NOL4L: variants seen among roughly 807,000 people sequenced by gnomAD.
NOL4L encodes nucleolar protein 4 like.
In NOL4L, 7 loss-of-function variants were observed where a neutral mutation model predicts 64.5. The observed-to-expected ratio is 0.11, with a 90% confidence interval of 0.06 to 0.20. The LOEUF (loss-of-function observed/expected upper bound fraction) is 0.20. Ranked by LOEUF, NOL4L falls within the 10% of genes least tolerant of loss-of-function variation. The pLI is 1.00. For missense variants in NOL4L, 680 were observed against 967.1 expected (o/e 0.70, Z 3.94); for synonymous variants, 413 against 401.0 (o/e 1.03, Z -0.36).
chr20:32,512,032 C>A (rs1012644909), intron 3 of NOL4L, among the ~76,000 whole-genome samples: 13 of 151,876 alleles, frequency 8.6e-5, no homozygotes, highest in Non-Finnish European at 5.9e-5. Context: ...AACAAAAAAA[C>A]CCAGCAAACC....
intron 1 of NOL4L, chr20:32,536,485 G>A (rs2018529066): frequency 5.9e-6 from 1 of 170,622 alleles, no homozygotes; most frequent in African/African-American, 2.4e-5. Context: ...TCGGGCGGGG[G>A]GCAGGGGCGG....
chr20:32,482,578 TGC>T (rs910341974), intron 4 of NOL4L, among the ~76,000 whole-genome samples: 32 of 151,744 alleles, frequency 2.1e-4, no homozygotes, highest in Non-Finnish European at 4.1e-4. Flanking sequence ...ACTTAACCCC[TGC>T]GCGCGCCCTC....
At chr20:32,505,187 C>G (rs1182798988) in intron 4 of NOL4L, among the ~76,000 whole-genome samples, 4 of 152,176 alleles carry the variant, frequency 2.6e-5, no homozygotes, top group Non-Finnish European at 5.9e-5. Flanking sequence ...CACAGTAACC[C>G]ATTAACACTC....
At chr20:32,547,867 G>A (rs2018752043) in intron 1 of NOL4L, among the ~76,000 whole-genome samples, 1 of 152,102 alleles carries the variant, frequency 6.6e-6, no homozygotes, top group Non-Finnish European at 1.5e-5. Flanking sequence ...CTCCTCCCAT[G>A]AGCTCTGGGG....
intron 5 of NOL4L, among the ~76,000 whole-genome samples, chr20:32,473,559 C>CCAGG (rs1202613359): frequency 4.6e-5 from 7 of 152,210 alleles, no homozygotes; most frequent in Admixed American, 2.6e-4. Context: ...CAGCTGCCTC[C>CCAGG]AGACTGGGTC....
At chr20:32,530,826 C>T (rs571505423) in intron 1 of NOL4L, among the ~76,000 whole-genome samples, 31 of 151,958 alleles carry the variant, frequency 2.0e-4, no homozygotes, top group African/African-American at 4.8e-4. Context: ...GAGGCTGAGG[C>T]AGGAGAATCA....
intron 1 of NOL4L, among the ~76,000 whole-genome samples, chr20:32,531,836 A>G (rs1343532682): frequency 6.6e-6 from 1 of 152,120 alleles, no homozygotes; most frequent in East Asian, 1.9e-4. Context: ...ATCTCCTCTT[A>G]TCTCTGGTCC....
Position 32,460,208 on chromosome 20 carries a change from A to T in NOL4L, c.842-3813T>A, listed in dbSNP as rs1208064574. Among the ~76,000 whole-genome samples, 1 of 152,230 alleles carries T rather than the reference A, an allele frequency of 6.6e-6. No individual in the cohort carries two copies. The highest frequency in any genetic ancestry group is 1.5e-5 in the Non-Finnish European group (1 of 68,046). ...AATTTTATGTCACACATTTTACCAC[A>T]CACACAGAACCCAGACCAAAAACAG... On this transcript the variant is annotated intron_variant, in intron 5 of 10. Coordinates refer to ENST00000621426, the MANE Select transcript of NOL4L (RefSeq NM_001256798.2). This position sits in a 1 kb window ranked among gnomAD's most constrained non-coding sequence, Gnocchi z 5.7.
intron 1 of NOL4L, chr20:32,573,678 G>A: frequency 4.8e-6 from 1 of 207,102 alleles, no homozygotes; most frequent in East Asian, 1.2e-4. Flanking sequence ...ACCCAAGACT[G>A]CACAGCAGTA....
chr20:32,483,016 C>T (rs2015836719), intron 4 of NOL4L, among the ~76,000 whole-genome samples: 1 of 150,568 alleles, frequency 6.6e-6, no homozygotes, highest in South Asian at 2.1e-4. Flanking sequence ...GCGCGCACCC[C>T]GGGAGTGGGG....
chr20:32,559,946 G>C (rs538663239), intron 1 of NOL4L, among the ~76,000 whole-genome samples: 2 of 152,366 alleles, frequency 1.3e-5, no homozygotes, highest in African/African-American at 2.4e-5. Flanking sequence ...GGGAGACCAA[G>C]CCTCCCTCTG....
chr20:32,490,184 G>A (rs1249892217), intron 4 of NOL4L, among the ~76,000 whole-genome samples: 1 of 148,064 alleles, frequency 6.8e-6, no homozygotes, highest in Non-Finnish European at 1.5e-5. Flanking sequence ...CACACATTAT[G>A]TATATATATG....
chr20:32,578,583 C>A (rs1032123754), intron 1 of NOL4L, among the ~76,000 whole-genome samples: 2 of 152,160 alleles, frequency 1.3e-5, no homozygotes, highest in African/African-American at 4.8e-5. Flanking sequence ...CGGGGTCTCA[C>A]CATGTCCCCA....
chr20:32,567,218 AG>A (rs1979483795), intron 1 of NOL4L, among the ~76,000 whole-genome samples: 2 of 152,194 alleles, frequency 1.3e-5, no homozygotes, highest in Non-Finnish European at 2.9e-5. Context: ...TCAGGGAAAC[AG>A]CAATGTGGGT....
chr20:32,499,325 G>A (rs1435785311), intron 4 of NOL4L, among the ~76,000 whole-genome samples: 1 of 152,208 alleles, frequency 6.6e-6, no homozygotes, highest in African/African-American at 2.4e-5. Flanking sequence ...CTGTTTGTCA[G>A]TGAACAAAGA....
intron 4 of NOL4L, among the ~76,000 whole-genome samples, chr20:32,494,252 G>GAAAAAAAAAAAAAAA (rs1568654908): frequency 2.2e-4 from 6 of 27,096 alleles, no homozygotes; most frequent in African/African-American, 9.3e-4. Context: ...GATAATCTCG[G>GAAAAAAAAAAAAAAA]GAAAAAAAAA....
At chr20:32,477,994 G>A (rs2015498056) in intron 4 of NOL4L, among the ~76,000 whole-genome samples, 2 of 152,180 alleles carry the variant, frequency 1.3e-5, no homozygotes, top group African/African-American at 4.8e-5. Context: ...GTCAGGCCTA[G>A]CTCCAGCTCT....
At chr20:32,564,050 C>T (rs547202343) in intron 1 of NOL4L, among the ~76,000 whole-genome samples, 14 of 152,306 alleles carry the variant, frequency 9.2e-5, no homozygotes, top group Non-Finnish European at 1.6e-4. Context: ...CAAAGGCGCC[C>T]TTGGCTGCCC....
At chr20:32,516,573 T>G (rs545456083) in intron 3 of NOL4L, among the ~76,000 whole-genome samples, 9 of 152,252 alleles carry the variant, frequency 5.9e-5, no homozygotes, top group East Asian at 1.9e-4. Flanking sequence ...CCTTAGCACC[T>G]GCTTAGGGCT....
Sources: gnomAD v4.1 joint callset for allele counts (sites outside exome capture counted in the v4.1 genomes callset) on GRCh38, gnomAD v4.1.1 for gene constraint, Gnocchi (gnomAD v3.1) non-coding constraint, MANE v1.5 for transcripts, NCBI Gene and HGNC (gene_info 2026-07-23, HGNC 2026-07-21) for gene names.